The following TEX11 variants were observed in gnomAD, a reference collection of about 807,000 sequenced individuals.
TEX11 encodes the protein testis expressed 11.
In TEX11, 7 loss-of-function variants were observed where a neutral mutation model predicts 84.4. The ratio of observed to expected loss-of-function variants is 0.08; its 90% CI spans 0.05 to 0.16. TEX11 has a LOEUF of 0.16. Among genes scored for constraint, TEX11 ranks in the 10% least tolerant of loss-of-function variants. The probability of loss-of-function intolerance (pLI) is 1.00; values close to 1 mark genes in which losing one functional copy is unlikely to be tolerated. For missense variants in TEX11, 551 were observed against 660.5 expected, an observed-to-expected ratio of 0.83 and a Z score of 1.82; for synonymous variants, 264 against 222.8, an observed-to-expected ratio of 1.18 and a Z score of -1.64.
At position 70,636,408 on chromosome X, in the gene TEX11, A is replaced by G. The variant is rs191749032; in HGVS notation, c.1484-6673T>C. ...GCCAAGGGTCTAGTACCACCCCAGT[A>G]GACCCAGGTGCCAGGCTAGCCCCCA... On this transcript the variant is annotated intron_variant, in intron 17 of 29. Transcript: ENST00000374333. 3.3e-4 allele frequency among the ~76,000 whole-genome samples: 37 copies of G among 110,851 alleles called. No individual in the cohort carries two copies. The East Asian group carries it at 9.7e-3, about 29-fold the overall frequency.
chrX:70,888,359 T>G (rs1263888914), intron 2 of TEX11, among the ~76,000 whole-genome samples: 4 of 112,655 alleles, frequency 3.6e-5, no homozygotes, highest in Non-Finnish European at 7.5e-5. Context: ...TTCTATCAGC[T>G]AAATTTAGCA....
At chrX:70,547,523 A>G (rs1309774878) in intron 28 of TEX11, among the ~76,000 whole-genome samples, 2 of 111,610 alleles carry the variant, frequency 1.8e-5, no homozygotes, top group Non-Finnish European at 3.8e-5. Context: ...TACTCATCTG[A>G]CAAAGGGCTA....
At chrX:70,908,418 T>G (rs1466153755) in intron 1 of TEX11, among the ~76,000 whole-genome samples, 1 of 111,612 alleles carries the variant, frequency 9.0e-6, no homozygotes, top group Non-Finnish European at 1.9e-5. Context: ...TCTCCGGTTT[T>G]CAGTGGCCCA....
At chrX:70,515,086 CACACACACACAG>C in the TEX11 span, among the ~76,000 whole-genome samples, 36 of 96,699 alleles carry the variant, frequency 3.7e-4, no homozygotes, top group East Asian at 5.3e-3. Flanking sequence ...CACACACACA[CACACACACACAG>C]AAAGAAGGAC....
At chrX:70,614,613 CTGGTT>C (rs2089297816) in intron 20 of TEX11, among the ~76,000 whole-genome samples, 1 of 112,032 alleles carries the variant, frequency 8.9e-6, no homozygotes, top group Non-Finnish European at 1.9e-5. Context: ...ACAGGACTAG[CTGGTT>C]TCACCACTTG....
chrX:70,875,767 A>G (rs1386213089), intron 3 of TEX11, among the ~76,000 whole-genome samples: 1 of 111,160 alleles, frequency 9.0e-6, no homozygotes, highest in Non-Finnish European at 1.9e-5. Flanking sequence ...TAAAAATAAA[A>G]ACAAAAATAA....
At chrX:70,578,358 C>A (rs1056678396) in intron 25 of TEX11, among the ~76,000 whole-genome samples, 1 of 111,951 alleles carries the variant, frequency 8.9e-6, no homozygotes, top group African/African-American at 3.2e-5. Context: ...ATTATCTAGT[C>A]ACTTATCTAG....
At chrX:70,848,130 T>A (rs1300919556) in intron 7 of TEX11, among the ~76,000 whole-genome samples, 1 of 111,952 alleles carries the variant, frequency 8.9e-6, no homozygotes, top group Non-Finnish European at 1.9e-5. Flanking sequence ...TACAGGTTAC[T>A]CTTCACTAGG....
chrX:70,671,910 T>TATACACAC (rs57166359), intron 15 of TEX11, among the ~76,000 whole-genome samples: 3 of 67,971 alleles, frequency 4.4e-5, no homozygotes, highest in African/African-American at 1.0e-4. Context: ...TATATATATA[T>TATACACAC]ACACACACAC....
intron 12 of TEX11, among the ~76,000 whole-genome samples, chrX:70,724,684 T>G (rs2090586088): frequency 9.0e-6 from 1 of 111,241 alleles, no homozygotes; most frequent in Admixed American, 9.6e-5. Flanking sequence ...TAACATATAT[T>G]GCACACTATG....
intron 7 of TEX11, among the ~76,000 whole-genome samples, chrX:70,841,932 A>C (rs1474356131): frequency 2.7e-5 from 3 of 111,976 alleles, no homozygotes; most frequent in Non-Finnish European, 5.6e-5. Flanking sequence ...CTAAACCAGG[A>C]AGAAGTTGAA....
intron 22 of TEX11, 101 bp downstream of exon 22, chrX:70,608,990 C>T: frequency 1.6e-6 from 1 of 638,690 alleles, no homozygotes; most frequent in Non-Finnish European, 2.4e-6. Flanking sequence ...CAAGTTATCT[C>T]TGTACCCACA....
the TEX11 span, among the ~76,000 whole-genome samples, chrX:70,522,888 G>A: frequency 9.1e-6 from 1 of 109,531 alleles, no homozygotes; most frequent in African/African-American, 3.3e-5. Context: ...GTAGAAAGAA[G>A]AGCATCTGAC....
intron 25 of TEX11, among the ~76,000 whole-genome samples, chrX:70,572,156 A>G (rs1275017157): frequency 1.2e-3 from 128 of 107,211 alleles, no homozygotes; most frequent in Non-Finnish European, 1.8e-3. Flanking sequence ...ATTTACAAGA[A>G]AAAAAAAAAC....
intron 24 of TEX11, among the ~76,000 whole-genome samples, chrX:70,602,317 A>G: frequency 9.1e-6 from 1 of 109,864 alleles, no homozygotes; most frequent in Non-Finnish European, 1.9e-5. Flanking sequence ...ATACTGGCAA[A>G]CCAAATCCAG....
intron 16 of TEX11, among the ~76,000 whole-genome samples, chrX:70,653,536 C>T (rs1323902491): frequency 5.4e-5 from 6 of 111,848 alleles, no homozygotes; most frequent in Non-Finnish European, 9.4e-5. Flanking sequence ...AACACTTTAA[C>T]GACATATAAT....
intron 13 of TEX11, among the ~76,000 whole-genome samples, chrX:70,699,341 C>T (rs1479685556): frequency 9.0e-6 from 1 of 111,702 alleles, no homozygotes; most frequent in Non-Finnish European, 1.9e-5. Flanking sequence ...AATCAACCCA[C>T]AGCACCATGA....
chrX:70,731,694 G>C (rs1284159315), intron 11 of TEX11, among the ~76,000 whole-genome samples: 2 of 110,812 alleles, frequency 1.8e-5, no homozygotes, highest in Non-Finnish European at 3.8e-5. Context: ...TCCAGGACCA[G>C]ATGGATTCAC....
chrX:70,906,257 A>C (rs2091833685), intron 2 of TEX11, among the ~76,000 whole-genome samples: 1 of 104,902 alleles, frequency 9.5e-6, no homozygotes, highest in Non-Finnish European at 1.9e-5. Context: ...TCTTTGAAAT[A>C]TCTGAAGCAT....
Sources: gnomAD v4.1 joint callset for allele counts (sites outside exome capture counted in the v4.1 genomes callset) on GRCh38, gnomAD v4.1.1 for gene constraint, MANE v1.5 for transcripts, NCBI Gene and HGNC (gene_info 2026-07-23, HGNC 2026-07-21) for gene names.